The following NKAIN3 variants were observed in gnomAD, a reference collection of about 807,000 sequenced individuals.
NKAIN3 encodes the protein sodium/potassium-transporting ATPase subunit beta-1-interacting protein 3.
NKAIN3 carries 25 observed loss-of-function variants against 30.2 expected under a neutral mutation model. The ratio of observed to expected loss-of-function variants is 0.83; its 90% CI spans 0.60 to 1.16. NKAIN3 has a LOEUF of 1.16. Among genes scored for constraint, NKAIN3 ranks in the 50% most tolerant of loss-of-function variants. The pLI, the probability that NKAIN3 is intolerant of heterozygous loss-of-function variation, is 0.00. For synonymous variants in NKAIN3, 91 were observed against 89.6 expected (o/e 1.02, Z -0.09); for missense variants, 225 against 254.1 (o/e 0.89, Z 0.78).
At chr8:62,532,929 A>G (rs1808531704) in intron 1 of NKAIN3, among the ~76,000 whole-genome samples, 3 of 152,214 alleles carry the variant, frequency 2.0e-5, no homozygotes, top group Non-Finnish European at 2.9e-5. Context: ...TGGACCTAGT[A>G]CATATTTTCT....
chr8:62,695,789 C>T lies in NKAIN3; in HGVS notation c.274-51143C>T, dbSNP rs1342779132. 3.3e-5 allele frequency among the ~76,000 whole-genome samples: 5 copies of T among 152,102 alleles called. No homozygotes were observed. In the South Asian group the frequency reaches 8.3e-4, roughly 25 times the overall value. ...GGGGAGAGTGAAGGCTCAGAATTGTCGACTGCGTGACATATGTCTAAGAGC... is the reference window on the plus strand; with the variant it reads ...GGGGAGAGTGAAGGCTCAGAATTGTTGACTGCGTGACATATGTCTAAGAGC... On this transcript the variant is annotated intron_variant, in intron 3 of 6. Coordinates refer to ENST00000623646, the MANE Select transcript of NKAIN3 (RefSeq NM_001304533.3).
chr8:62,728,516 A>G (rs1815332227), intron 3 of NKAIN3, among the ~76,000 whole-genome samples: 1 of 52,204 alleles, frequency 1.9e-5, no homozygotes, highest in Non-Finnish European at 6.2e-5. Flanking sequence ...ATACAAAATT[A>G]GCTGGGCATG....
chr8:62,815,310 A>G (rs1399181471), intron 4 of NKAIN3, among the ~76,000 whole-genome samples: 2 of 152,120 alleles, frequency 1.3e-5, no homozygotes, highest in Non-Finnish European at 2.9e-5. Context: ...AACTGGTACC[A>G]TTCCTTCTGA....
intron 3 of NKAIN3, among the ~76,000 whole-genome samples, chr8:62,612,625 A>C (rs1811331907): frequency 6.6e-6 from 1 of 151,940 alleles, no homozygotes; most frequent in African/African-American, 2.4e-5. Context: ...TTGATAAGTA[A>C]GGACTTACTC....
chr8:62,871,445 G>A (rs1820643300), intron 4 of NKAIN3, among the ~76,000 whole-genome samples: 1 of 148,606 alleles, frequency 6.7e-6, no homozygotes, highest in Non-Finnish European at 1.5e-5. Context: ...AACAATAAAA[G>A]CCATTCCCTC....
At chr8:62,816,092 G>A (rs1022150891) in intron 4 of NKAIN3, among the ~76,000 whole-genome samples, 2 of 151,974 alleles carry the variant, frequency 1.3e-5, no homozygotes, top group African/African-American at 2.4e-5. Context: ...ATGTTTCCTT[G>A]CTTTTTAATA....
At chr8:62,703,126 A>G (rs1814397580) in intron 3 of NKAIN3, among the ~76,000 whole-genome samples, 1 of 152,166 alleles carries the variant, frequency 6.6e-6, no homozygotes, top group Admixed American at 6.5e-5. Flanking sequence ...ATATTATTTC[A>G]TATCATTACT....
intron 4 of NKAIN3, among the ~76,000 whole-genome samples, chr8:62,910,413 A>G (rs1433800047): frequency 6.6e-6 from 1 of 152,076 alleles, no homozygotes; most frequent in East Asian, 1.9e-4. Context: ...TTGAATTTCA[A>G]CTGTATTTAC....
intron 3 of NKAIN3, among the ~76,000 whole-genome samples, chr8:62,663,180 A>C (rs916853217): frequency 6.6e-6 from 1 of 152,190 alleles, no homozygotes; most frequent in Non-Finnish European, 1.5e-5. Flanking sequence ...ATGAAGTTGA[A>C]AATGTCAGAT....
At chr8:62,417,054 T>G (rs2129596440) in intron 1 of NKAIN3, among the ~76,000 whole-genome samples, 1 of 151,654 alleles carries the variant, frequency 6.6e-6, no homozygotes, top group African/African-American at 2.4e-5. Flanking sequence ...CATCAAATAC[T>G]AGATCTTATT....
intron 3 of NKAIN3, among the ~76,000 whole-genome samples, chr8:62,697,474 C>G (rs1814197449): frequency 6.6e-6 from 1 of 152,104 alleles, no homozygotes; most frequent in Non-Finnish European, 1.5e-5. Context: ...CCTCATTACC[C>G]CCTAATTAAA....
chr8:62,657,813 T>G (rs1812807198), intron 3 of NKAIN3, among the ~76,000 whole-genome samples: 1 of 152,192 alleles, frequency 6.6e-6, no homozygotes, highest in Admixed American at 6.5e-5. Context: ...TGCTCTTTTC[T>G]GAATGACCTT....
intron 4 of NKAIN3, among the ~76,000 whole-genome samples, chr8:62,783,934 C>T (rs1022298310): frequency 1.7e-4 from 26 of 152,108 alleles, no homozygotes; most frequent in African/African-American, 6.0e-4. Flanking sequence ...CATGTGCCAC[C>T]GTGTCTGGCC....
At chr8:62,425,517 A>C (rs1451731478) in intron 1 of NKAIN3, among the ~76,000 whole-genome samples, 3 of 151,928 alleles carry the variant, frequency 2.0e-5, no homozygotes, top group African/African-American at 7.2e-5. Context: ...GCAAGTATGA[A>C]TAAATACACT....
At chr8:62,497,728 G>T (rs1807287483) in intron 1 of NKAIN3, among the ~76,000 whole-genome samples, 2 of 152,076 alleles carry the variant, frequency 1.3e-5, no homozygotes, top group Admixed American at 1.3e-4. Flanking sequence ...TGACACTGAA[G>T]CTCAGGAGTC....
chr8:62,992,842 A>G (rs1207014122), intron 5 of NKAIN3, among the ~76,000 whole-genome samples: 1 of 152,198 alleles, frequency 6.6e-6, no homozygotes, highest in Non-Finnish European at 1.5e-5. Context: ...GGAAAGCTGC[A>G]TAACGAAGTT....
intron 1 of NKAIN3, among the ~76,000 whole-genome samples, chr8:62,278,978 A>C (rs778008531): frequency 6.6e-6 from 1 of 152,206 alleles, no homozygotes; most frequent in African/African-American, 2.4e-5. Context: ...TGGATGAACT[A>C]GTTTACAGTC....
chr8:62,763,221 C>CAAAAAAAAA lies in NKAIN3; in HGVS notation c.471+16124_471+16132dup, dbSNP rs55873861. On this transcript the variant is annotated intron_variant, in intron 4 of 6. Transcript: ENST00000623646. Reference sequence around the variant, plus strand: ...GGGCAACAAGTGCGAGACTCCGTCTCAAAAAAAAAAAAAAAAAAAAAAAAA... The same window carrying CAAAAAAAAA: ...GGGCAACAAGTGCGAGACTCCGTCTCAAAAAAAAAAAAAAAAAAAAAAAAAAAAAAAAAA... Among the ~76,000 whole-genome samples the CAAAAAAAAA allele has an allele frequency of 4.2e-4, 20 of 47,186 alleles. 1 individual carries two copies. Among genetic ancestry groups the CAAAAAAAAA allele is most frequent in the East Asian group, 6.7e-4 (1 of 1,498 alleles). The allele number at this position is 47,186 out of a possible 152,430, so 31.0% of individuals were successfully genotyped here. A position where few individuals can be genotyped will look rare whatever the true frequency, so the allele number is the denominator to read the frequency against.
intron 1 of NKAIN3, among the ~76,000 whole-genome samples, chr8:62,546,480 C>A (rs768703804): frequency 2.0e-5 from 3 of 152,164 alleles, no homozygotes; most frequent in Admixed American, 1.3e-4. Context: ...TGCAAGCTTG[C>A]TTGTTTCTAA....
Sources: gnomAD v4.1 joint callset for allele counts (sites outside exome capture counted in the v4.1 genomes callset) on GRCh38, gnomAD v4.1.1 for gene constraint, MANE v1.5 for transcripts, NCBI Gene and HGNC (gene_info 2026-07-23, HGNC 2026-07-21) for gene names.